Variants in AOPEP observed in about 807,000 individuals in gnomAD.
AOPEP encodes aminopeptidase O (putative), also known as aminopeptidase O.
AOPEP carries 77 observed loss-of-function variants against 98.1 expected under a neutral mutation model. The observed-to-expected ratio is 0.78, with a 90% CI of 0.65 to 0.95. The LOEUF is 0.95. Ranked by LOEUF, AOPEP falls within the 40% of genes least tolerant of loss-of-function variation. The pLI, the probability that AOPEP is intolerant of heterozygous loss-of-function variation, is 0.00. For synonymous variants in AOPEP, 346 were observed against 365.3 expected, an observed-to-expected ratio of 0.95 and a Z score of 0.60; for missense variants, 1,024 against 1,024.7, an observed-to-expected ratio of 1.00 and a Z score of 0.01.
rs2070760805 is a variant in AOPEP at position 95,086,919 on chromosome 9, AG to A, written c.*243del. ...AGGCTGCCTCCTGCCCTGGATCTGG[AG>A]TGGAGCTGCTCTGAGATTTTGAGTT... is the stretch of plus-strand genomic sequence containing the variant. On this transcript the variant is annotated 3_prime_UTR_variant, in exon 17 of 17. Transcript: ENST00000375315. 4 of 987,812 alleles carry A rather than the reference AG, an allele frequency of 4.0e-6. No homozygotes were observed. The highest frequency in any genetic ancestry group is 1.2e-6 in the Non-Finnish European group (1 of 830,100). 61.2% of individuals were successfully genotyped at this position (987,812 alleles called of 1,614,324 possible).
At chr9:95,149,833 A>T in the AOPEP span, 1 of 1,421,602 alleles carries the variant, frequency 7.0e-7, no homozygotes, top group Non-Finnish European at 9.7e-7. Flanking sequence ...AAACGTTTGG[A>T]CACTGCTGTC....
chr9:95,064,904 A>T (rs562256193), intron 14 of AOPEP, among the ~76,000 whole-genome samples: 314 of 152,332 alleles, frequency 2.1e-3, no homozygotes, highest in African/African-American at 7.4e-3. Context: ...ACATCTCCAG[A>T]TTCTAAAATT....
intron 5 of AOPEP, among the ~76,000 whole-genome samples, chr9:94,850,505 G>A (rs974696550): frequency 7.9e-5 from 12 of 152,104 alleles, no homozygotes; most frequent in Non-Finnish European, 1.3e-4. Flanking sequence ...CAGCAACCCC[G>A]AGTTAGGAAC....
At chr9:95,080,197 T>G (rs17679141) in intron 14 of AOPEP, among the ~76,000 whole-genome samples, 33,771 of 152,250 alleles carry the variant, frequency 0.22, 4,851 homozygotes, top group Non-Finnish European at 0.32. Context: ...TCTCTAAAGT[T>G]GACCAACAGC....
At chr9:94,777,893 G>C (rs1007696313) in intron 3 of AOPEP, among the ~76,000 whole-genome samples, 2 of 151,582 alleles carry the variant, frequency 1.3e-5, no homozygotes, top group African/African-American at 4.9e-5. Flanking sequence ...CAAAGTGCTG[G>C]GATTACAGGT....
the AOPEP span, among the ~76,000 whole-genome samples, chr9:95,137,535 T>A: frequency 6.6e-6 from 1 of 152,208 alleles, no homozygotes; most frequent in South Asian, 2.1e-4. Flanking sequence ...ACCCCCTCAA[T>A]ACTGGACATG....
At chr9:95,000,907 G>A (rs924696938) in intron 11 of AOPEP, among the ~76,000 whole-genome samples, 1 of 152,066 alleles carries the variant, frequency 6.6e-6, no homozygotes, top group African/African-American at 2.4e-5. Context: ...TGGAACTCTC[G>A]ACCTTGTTTG....
intron 5 of AOPEP, among the ~76,000 whole-genome samples, chr9:94,883,176 C>T (rs1478440885): frequency 2.0e-5 from 3 of 152,180 alleles, no homozygotes; most frequent in Admixed American, 6.5e-5. Context: ...TGCCCCGCTT[C>T]GTTGCCTGCT....
At chr9:94,983,752 C>T (rs2060339033) in intron 11 of AOPEP, among the ~76,000 whole-genome samples, 1 of 152,122 alleles carries the variant, frequency 6.6e-6, no homozygotes, top group African/African-American at 2.4e-5. Context: ...TTGTGCATGC[C>T]CTTTGCTCCT....
intron 13 of AOPEP, among the ~76,000 whole-genome samples, chr9:95,025,295 C>T (rs796118190): frequency 1.3e-5 from 2 of 152,346 alleles, no homozygotes; most frequent in African/African-American, 4.8e-5. Flanking sequence ...GAGGCCATTA[C>T]ATATGCTGGT....
intron 14 of AOPEP, among the ~76,000 whole-genome samples, chr9:95,077,784 T>C (rs1372121154): frequency 6.6e-6 from 1 of 152,230 alleles, no homozygotes; most frequent in Non-Finnish European, 1.5e-5. Context: ...TAAGTGAGAC[T>C]GATGTCATCC....
chr9:94,975,479 A>G (rs2059786496), intron 10 of AOPEP, among the ~76,000 whole-genome samples: 1 of 150,992 alleles, frequency 6.6e-6, no homozygotes, highest in South Asian at 2.1e-4. Context: ...GAATTTGCCA[A>G]TGAACTAACC....
chr9:95,125,145 C>G, the AOPEP span: 3 of 1,614,112 alleles, frequency 1.9e-6, no homozygotes, highest in African/African-American at 4.0e-5. Flanking sequence ...TGAATAGTGG[C>G]TATGATTTCC....
chr9:94,821,481 G>A (rs1853122370), intron 5 of AOPEP, among the ~76,000 whole-genome samples: 2 of 152,256 alleles, frequency 1.3e-5, no homozygotes. Flanking sequence ...TTTGGCAGAG[G>A]CCAAGCATGA....
chr9:94,975,785 A>G (rs1209043555), intron 10 of AOPEP, among the ~76,000 whole-genome samples: 2 of 152,026 alleles, frequency 1.3e-5, no homozygotes, highest in East Asian at 3.9e-4. Flanking sequence ...TCCCTCTGCA[A>G]TTTTGCTCCA....
intron 14 of AOPEP, among the ~76,000 whole-genome samples, chr9:95,080,128 G>A (rs2069572130): frequency 6.6e-6 from 1 of 152,196 alleles, no homozygotes; most frequent in Admixed American, 6.5e-5. Context: ...TTTAGTATCT[G>A]TCATCTTGCA....
chr9:95,101,839 A>G, the AOPEP span: 1 of 1,614,022 alleles, frequency 6.2e-7, no homozygotes, highest in Non-Finnish European at 8.5e-7. Flanking sequence ...TTATCTCAGC[A>G]GTGTGAGCCA....
intron 5 of AOPEP, among the ~76,000 whole-genome samples, chr9:94,890,895 G>A (rs2136050474): frequency 6.6e-6 from 1 of 152,252 alleles, no homozygotes; most frequent in Non-Finnish European, 1.5e-5. Flanking sequence ...TGTTCCATGG[G>A]TGCTTGAAAA....
chr9:95,049,575 A>G (rs891049583), intron 13 of AOPEP, among the ~76,000 whole-genome samples: 9 of 152,254 alleles, frequency 5.9e-5, no homozygotes, highest in African/African-American at 2.2e-4. Context: ...GTTATAGGAA[A>G]TGTTACATTT....
Sources: gnomAD v4.1 joint callset for allele counts (sites outside exome capture counted in the v4.1 genomes callset) on GRCh38, gnomAD v4.1.1 for gene constraint, MANE v1.5 for transcripts, NCBI Gene and HGNC (gene_info 2026-07-23, HGNC 2026-07-21) for gene names.